Variants in CYP2C19 observed in about 807,000 individuals in gnomAD.
The protein encoded by CYP2C19 is cytochrome P450 2C19.
CYP2C19 carries 59 observed loss-of-function variants against 40.9 expected under a neutral mutation model. That is an observed-to-expected ratio of 1.44 (90% CI 1.17 to 1.79). The LOEUF (loss-of-function observed/expected upper bound fraction) is 1.79. Among genes scored for constraint, CYP2C19 ranks in the 40% most tolerant of loss-of-function variants. CYP2C19 has a pLI of 0.00. For missense variants in CYP2C19, 754 were observed against 596.9 expected (o/e 1.26, Z -2.74); for synonymous variants, 253 against 208.7 (o/e 1.21, Z -1.83).
At chr10:94,824,624 C>A (rs1241715119) in intron 6 of CYP2C19, among the ~76,000 whole-genome samples, 1 of 152,014 alleles carries the variant, frequency 6.6e-6, no homozygotes, top group Non-Finnish European at 1.5e-5. Flanking sequence ...AATTTCATGA[C>A]TAAATTTATG....
At chr10:94,849,396 A>G (rs1468462734) in intron 7 of CYP2C19, among the ~76,000 whole-genome samples, 2 of 151,798 alleles carry the variant, frequency 1.3e-5, no homozygotes. Context: ...AAGCAAGTTC[A>G]TTTTAAATTA....
intron 5 of CYP2C19, among the ~76,000 whole-genome samples, chr10:94,790,680 T>C (rs1020554227): frequency 3.3e-5 from 5 of 152,118 alleles, no homozygotes; most frequent in Admixed American, 3.3e-4. Context: ...AAGCCTTGCA[T>C]CCCCGGGATG....
intron 6 of CYP2C19, among the ~76,000 whole-genome samples, chr10:94,839,242 C>A (rs1315365508): frequency 1.3e-5 from 2 of 152,192 alleles, no homozygotes; most frequent in Admixed American, 6.5e-5. Context: ...GGGGCCCTGG[C>A]TGCTGGATTC....
chr10:94,790,343 C>A (rs1589353560), intron 5 of CYP2C19, among the ~76,000 whole-genome samples: 1 of 152,130 alleles, frequency 6.6e-6, no homozygotes, highest in Admixed American at 6.5e-5. Context: ...TTATTTCTTT[C>A]TCTTGCCTGA....
chr10:94,831,985 A>T (rs1420210274), intron 6 of CYP2C19, among the ~76,000 whole-genome samples: 1 of 152,156 alleles, frequency 6.6e-6, no homozygotes, highest in Non-Finnish European at 1.5e-5. Flanking sequence ...GCCTAGACCA[A>T]TGTCCTGGAG....
At chr10:94,764,072 A>C (rs1301676552) in intron 1 of CYP2C19, among the ~76,000 whole-genome samples, 1 of 152,120 alleles carries the variant, frequency 6.6e-6, no homozygotes, top group Non-Finnish European at 1.5e-5. Context: ...GTGAAGTTGC[A>C]GACCTTTGCG....
chr10:94,775,296 G>A (rs906838632), intron 2 of CYP2C19, 76 bp downstream of exon 2: 65 of 1,612,454 alleles, frequency 4.0e-5, no homozygotes, highest in South Asian at 1.6e-4. Flanking sequence ...AGAGCTTCTC[G>A]GGCAGAGCTT....
At chr10:94,789,143 T>C (rs952108487) in intron 5 of CYP2C19, among the ~76,000 whole-genome samples, 1 of 152,138 alleles carries the variant, frequency 6.6e-6, no homozygotes, top group Non-Finnish European at 1.5e-5. Flanking sequence ...ATAGATGTCT[T>C]CTTTTGAGAA....
intron 7 of CYP2C19, among the ~76,000 whole-genome samples, chr10:94,847,836 G>A (rs182094204): frequency 7.7e-4 from 118 of 152,310 alleles, no homozygotes; most frequent in African/African-American, 2.6e-3. Flanking sequence ...CAGTGATGAT[G>A]AGCATTTTTT....
At chr10:94,850,442 C>A (rs565403115) in intron 8 of CYP2C19, among the ~76,000 whole-genome samples, 3 of 152,136 alleles carry the variant, frequency 2.0e-5, no homozygotes, top group African/African-American at 4.8e-5. Context: ...TCCCTCACCC[C>A]CTAGGCTGGG....
chr10:94,825,316 CTGT>C (rs1465698627), intron 6 of CYP2C19, among the ~76,000 whole-genome samples: 2 of 145,048 alleles, frequency 1.4e-5, no homozygotes, highest in Non-Finnish European at 3.0e-5. Flanking sequence ...TCTCCAGCAC[CTGT>C]TGTTTCCTGA....
intron 7 of CYP2C19, among the ~76,000 whole-genome samples, chr10:94,843,461 A>G (rs1250226528): frequency 6.6e-6 from 1 of 152,132 alleles, no homozygotes; most frequent in African/African-American, 2.4e-5. Flanking sequence ...TTTCCCAGGA[A>G]TGTTGTGATT....
chr10:94,775,639 A>G, intron 3 of CYP2C19, 100 bp downstream of exon 3: 1 of 1,599,024 alleles, frequency 6.3e-7, no homozygotes, highest in Non-Finnish European at 8.6e-7. Flanking sequence ...TTTTATTTGG[A>G]GTCCTGGTTG....
At chr10:94,795,189 T>C (rs1488557643) in intron 5 of CYP2C19, among the ~76,000 whole-genome samples, 1 of 126,646 alleles carries the variant, frequency 7.9e-6, no homozygotes, top group Non-Finnish European at 1.6e-5. Context: ...GTGTGTGATA[T>C]TCTCCTTCCT....
intron 5 of CYP2C19, among the ~76,000 whole-genome samples, chr10:94,792,667 T>C (rs1289523571): frequency 6.6e-6 from 1 of 152,202 alleles, no homozygotes; most frequent in East Asian, 1.9e-4. Context: ...TCTTTAAGAA[T>C]GTTGAATATT....
chr10:94,772,112 A>G (rs1322896912), intron 1 of CYP2C19, among the ~76,000 whole-genome samples: 1 of 152,196 alleles, frequency 6.6e-6, no homozygotes, highest in Non-Finnish European at 1.5e-5. Flanking sequence ...ATGGAGGGCC[A>G]TACCCTGAGG....
At chr10:94,771,050 A>G (rs201848908) in intron 1 of CYP2C19, among the ~76,000 whole-genome samples, 1 of 152,158 alleles carries the variant, frequency 6.6e-6, no homozygotes, top group Non-Finnish European at 1.5e-5. Context: ...GTGAGATCGA[A>G]GGTTTGCCCT....
rs748189127 is a variant in CYP2C19 at position 94,775,702 on chromosome 10, G to A, written c.481+163G>A. ...CTGAGAGCCAAGGGAATTTGCACAT[G>A]TTTGTGCTGTGTGTGTACAGGCATG... On this transcript the variant is annotated intron_variant, in intron 3 of 8. Transcript: ENST00000371321. 125 of 1,181,146 alleles carry A rather than the reference G, an allele frequency of 1.1e-4. 1 individual carries two copies. In the East Asian group the frequency reaches 1.7e-3, roughly 16 times the overall value. The allele number at this position is 1,181,146 out of a possible 1,614,324, so 73.2% of individuals were successfully genotyped here.
chr10:94,771,679 A>C lies in CYP2C19; in HGVS notation c.169-3379A>C, dbSNP rs188557290. On this transcript the variant is annotated intron_variant, in intron 1 of 8. Transcript: ENST00000371321. ...TCTCATCGGAAAGACAAAACTCTCC[A>C]TGGTTTTGGTTTGTTTGTTTCTACC... Among the ~76,000 whole-genome samples the C allele has an allele frequency of 4.6e-3, 706 of 152,194 alleles. 14 individuals are homozygous for C. The South Asian group carries it at 0.059, about 13-fold the overall frequency.
Sources: gnomAD v4.1 joint callset for allele counts (sites outside exome capture counted in the v4.1 genomes callset) on GRCh38, gnomAD v4.1.1 for gene constraint, MANE v1.5 for transcripts, NCBI Gene and HGNC (gene_info 2026-07-23, HGNC 2026-07-21) for gene names.